The following PDE4B variants were observed in gnomAD, a reference collection of about 807,000 sequenced individuals.
PDE4B encodes the protein phosphodiesterase 4B.
In PDE4B, 20 loss-of-function variants were observed where a neutral mutation model predicts 82.2. That is an observed-to-expected ratio of 0.24 (90% CI 0.17 to 0.35). PDE4B has a LOEUF of 0.35. Among genes scored for constraint, PDE4B ranks in the 10% least tolerant of loss-of-function variants. The pLI, the probability that PDE4B is intolerant of heterozygous loss-of-function variation, is 1.00. For missense variants in PDE4B, 655 were observed against 907.2 expected, an observed-to-expected ratio of 0.72 and a Z score of 3.57; for synonymous variants, 320 against 318.9, an observed-to-expected ratio of 1.00 and a Z score of -0.04.
chr1:65,905,226 C>T (rs1647015890), intron 1 of PDE4B, among the ~76,000 whole-genome samples: 1 of 152,070 alleles, frequency 6.6e-6, no homozygotes, highest in Non-Finnish European at 1.5e-5. Context: ...TGTGATAATA[C>T]CTTCTTACAG....
chr1:66,000,456 C>A lies in PDE4B; in HGVS notation c.281+81621C>A, dbSNP rs991395112. Reference sequence around the variant, plus strand: ...GAGTGAGGAAATTGCAAGTTAATAACCCTTGTACTCTAGAAAAGACGTCAC... The same window carrying A: ...GAGTGAGGAAATTGCAAGTTAATAAACCTTGTACTCTAGAAAAGACGTCAC... On this transcript the variant is annotated intron_variant, in intron 3 of 16. Transcript: ENST00000341517. Among the ~76,000 whole-genome samples the A allele has an allele frequency of 1.2e-4, 19 of 152,236 alleles. No homozygotes were observed. The East Asian group carries it at 1.5e-3, about 12-fold the overall frequency.
In PDE4B at chr1:66,006,984, T is replaced by C. The variant is rs910676911; in HGVS notation, c.281+88149T>C. Among the ~76,000 whole-genome samples the C allele has an allele frequency of 3.3e-5, 5 of 151,908 alleles. No individual in the cohort carries two copies. In the East Asian group the frequency reaches 5.8e-4, roughly 18 times the overall value. ...CTACAAAAATTAAAAAAATAATAAA[T>C]TAGCCAGGCATAGTGGCAAGTGCTT... is the stretch of plus-strand genomic sequence containing the variant. On this transcript the variant is annotated intron_variant, in intron 3 of 16. Coordinates refer to ENST00000341517, the MANE Select transcript of PDE4B (RefSeq NM_002600.4).
intron 1 of PDE4B, among the ~76,000 whole-genome samples, chr1:65,823,392 T>G (rs1323168691): frequency 3.8e-5 from 4 of 104,672 alleles, no homozygotes; most frequent in Admixed American, 3.7e-4. Context: ...TGAGACTCCA[T>G]CTCTAAAAAA....
chr1:66,117,943 C>T (rs1044239546), intron 3 of PDE4B, among the ~76,000 whole-genome samples: 1 of 152,114 alleles, frequency 6.6e-6, no homozygotes, highest in Non-Finnish European at 1.5e-5. Context: ...TAAAAGTGTT[C>T]CTATTTCTCC....
intron 1 of PDE4B, among the ~76,000 whole-genome samples, chr1:65,830,109 T>C (rs528397709): frequency 1.1e-4 from 16 of 152,150 alleles, no homozygotes; most frequent in African/African-American, 3.6e-4. Context: ...AGAAACAAGT[T>C]TACAGAAGCC....
intron 3 of PDE4B, among the ~76,000 whole-genome samples, chr1:66,198,313 A>C (rs1265836952): frequency 6.6e-6 from 1 of 152,138 alleles, no homozygotes; most frequent in East Asian, 1.9e-4. Context: ...TTCACTTATT[A>C]TGTGCACAGC....
At chr1:66,057,764 G>T (rs774152305) in intron 3 of PDE4B, among the ~76,000 whole-genome samples, 1 of 152,150 alleles carries the variant, frequency 6.6e-6, no homozygotes, top group Non-Finnish European at 1.5e-5. Flanking sequence ...CCATGATTCA[G>T]TTATTTCCCA....
At chr1:66,334,196 A>T (rs1339535394) in intron 8 of PDE4B, among the ~76,000 whole-genome samples, 1 of 152,236 alleles carries the variant, frequency 6.6e-6, no homozygotes, top group East Asian at 1.9e-4. Flanking sequence ...CACCATAGAG[A>T]ACATGGCAAA....
rs1054710674 is a variant in PDE4B at position 66,374,278 on chromosome 1, A to T, written c.*1600A>T. The T allele has an allele frequency of 6.5e-6, 1 of 152,696 alleles. No individual in the cohort carries two copies. Among genetic ancestry groups the T allele is most frequent in the Admixed American group, 6.5e-5 (1 of 15,290 alleles). 9.5% of individuals were successfully genotyped at this position (152,696 alleles called of 1,614,324 possible). A position where few individuals can be genotyped will look rare whatever the true frequency, so the allele number is the denominator to read the frequency against. ...AATAAAATGTGAACTGATGTAGCAA[A>T]TTACGCAAATGTGAAGCCTCTTCTG... On this transcript the variant is annotated 3_prime_UTR_variant, in exon 17 of 17. Transcript: ENST00000341517.
In PDE4B at chr1:66,088,860, CT is replaced by C. The variant is rs1374523212; in HGVS notation, c.282-158597del. 2.6e-5 allele frequency among the ~76,000 whole-genome samples: 4 copies of C among 152,044 alleles called. No individual in the cohort carries two copies. The South Asian group carries it at 8.3e-4, about 32-fold the overall frequency. ...AGATCATGTCATTTCTAGGTAGAAA[CT>C]TTAAGAGTTAGTTTGTGATTCATCA... On this transcript the variant is annotated intron_variant, in intron 3 of 16. Transcript: ENST00000341517.
chr1:66,017,419 A>G (rs1652840818), intron 3 of PDE4B, among the ~76,000 whole-genome samples: 1 of 152,214 alleles, frequency 6.6e-6, no homozygotes, highest in South Asian at 2.1e-4. Flanking sequence ...TATAACATGT[A>G]GTTATGACAG....
chr1:66,154,477 G>A (rs960922433), intron 3 of PDE4B, among the ~76,000 whole-genome samples: 9 of 152,156 alleles, frequency 5.9e-5, no homozygotes, highest in East Asian at 1.9e-4. Context: ...AGGGACTCTC[G>A]GGAAATCACT....
chr1:66,280,832 A>G (rs940793661), intron 7 of PDE4B, among the ~76,000 whole-genome samples: 4 of 152,140 alleles, frequency 2.6e-5, no homozygotes, highest in African/African-American at 7.2e-5. Flanking sequence ...CTGGTCTTGA[A>G]TATTTTAGGC....
intron 8 of PDE4B, among the ~76,000 whole-genome samples, chr1:66,344,832 G>T (rs1179449756): frequency 6.6e-6 from 1 of 152,156 alleles, no homozygotes; most frequent in African/African-American, 2.4e-5. Context: ...CTCTGCATCT[G>T]CCCGAGGGAA....
intron 3 of PDE4B, among the ~76,000 whole-genome samples, chr1:65,935,982 T>C (rs1219060437): frequency 6.6e-6 from 1 of 152,082 alleles, no homozygotes; most frequent in African/African-American, 2.4e-5. Flanking sequence ...CAAAAACACG[T>C]TGTATAGCTG....
intron 1 of PDE4B, among the ~76,000 whole-genome samples, chr1:65,880,160 CA>C (rs776098546): frequency 1.3e-4 from 20 of 152,184 alleles, no homozygotes; most frequent in Non-Finnish European, 5.9e-5. Flanking sequence ...TATGCTGCTT[CA>C]GCTTCCCTTT....
At chr1:66,175,619 G>A (rs1306166522) in intron 3 of PDE4B, among the ~76,000 whole-genome samples, 1 of 152,110 alleles carries the variant, frequency 6.6e-6, no homozygotes, top group Non-Finnish European at 1.5e-5. Flanking sequence ...TGGGCACCGT[G>A]GACATTTTTC....
rs551338196 is a variant in PDE4B at position 66,365,470 on chromosome 1, G to T, written c.1285-197G>T. ...TAGGCTTGATGTGAGATTGAGCTCT[G>T]GCCATCATCCCTTTCACATCAGAGA... is the stretch of plus-strand genomic sequence containing the variant. On this transcript the variant is annotated intron_variant, in intron 12 of 16. Transcript: ENST00000341517. Among the ~76,000 whole-genome samples the T allele has an allele frequency of 3.3e-5, 5 of 152,212 alleles. No individual in the cohort carries two copies. The South Asian group carries it at 1.0e-3, about 32-fold the overall frequency.
intron 3 of PDE4B, among the ~76,000 whole-genome samples, chr1:66,107,766 A>G (rs1001011268): frequency 6.6e-6 from 1 of 151,914 alleles, no homozygotes; most frequent in Non-Finnish European, 1.5e-5. Context: ...AAAATCCAAA[A>G]CTATTCTAAG....
Sources: gnomAD v4.1 joint callset for allele counts (sites outside exome capture counted in the v4.1 genomes callset) on GRCh38, gnomAD v4.1.1 for gene constraint, MANE v1.5 for transcripts, NCBI Gene and HGNC (gene_info 2026-07-23, HGNC 2026-07-21) for gene names.